Variants in TMEM232 observed in about 807,000 individuals in gnomAD.
TMEM232 encodes the protein transmembrane protein 232.
TMEM232 carries 80 observed loss-of-function variants against 78.8 expected under a neutral mutation model. The ratio of observed to expected loss-of-function variants is 1.01; its 90% confidence interval spans 0.85 to 1.22. TMEM232 has a LOEUF of 1.22. Ranked by LOEUF, TMEM232 falls within the 50% of genes most tolerant of loss-of-function variation. The pLI, the probability that TMEM232 is intolerant of heterozygous loss-of-function variation, is 0.00. For synonymous variants in TMEM232, 297 were observed against 254.3 expected (o/e 1.17, Z -1.60); for missense variants, 881 against 742.2 (o/e 1.19, Z -2.17).
At chr5:110,429,946 A>G (rs1042430680) in intron 12 of TMEM232, 1 of 151,666 alleles carries the variant, frequency 6.6e-6, no homozygotes, top group Non-Finnish European at 1.5e-5. Context: ...TCTTAGTTCT[A>G]TTGCAATTTC....
chr5:110,622,520 CTCA>C (rs1783877771), intron 7 of TMEM232, among the ~76,000 whole-genome samples: 1 of 152,066 alleles, frequency 6.6e-6, no homozygotes, highest in African/African-American at 2.4e-5. Flanking sequence ...AGGACATGAA[CTCA>C]TCATTTTTTA....
At chr5:110,533,589 C>T (rs1482252490) in intron 11 of TMEM232, among the ~76,000 whole-genome samples, 1 of 152,196 alleles carries the variant, frequency 6.6e-6, no homozygotes, top group Non-Finnish European at 1.5e-5. Context: ...CTTCCTCACA[C>T]CTGATGCATA....
At chr5:110,444,383 A>C (rs150046883) in intron 12 of TMEM232, among the ~76,000 whole-genome samples, 2 of 152,174 alleles carry the variant, frequency 1.3e-5, no homozygotes, top group African/African-American at 4.8e-5. Flanking sequence ...TCCCCCAGTC[A>C]CTGAGCTCTC....
At chr5:110,457,485 G>C (rs2149347885) in intron 12 of TMEM232, among the ~76,000 whole-genome samples, 1 of 152,098 alleles carries the variant, frequency 6.6e-6, no homozygotes, top group African/African-American at 2.4e-5. Context: ...ATATAATCTA[G>C]AATTTCACGC....
intron 11 of TMEM232, among the ~76,000 whole-genome samples, chr5:110,555,400 T>C (rs1774959281): frequency 6.6e-6 from 1 of 152,232 alleles, no homozygotes; most frequent in Non-Finnish European, 1.5e-5. Context: ...TTTTAATTTG[T>C]TGAGAATTGC....
At position 110,649,128 on chromosome 5, in the gene TMEM232, A is replaced by T. The variant is rs530839944; in HGVS notation, c.126-6757T>A. Among the ~76,000 whole-genome samples, 4 of 152,250 alleles carry T rather than the reference A, an allele frequency of 2.6e-5. No individual in the cohort carries two copies. The South Asian group carries it at 8.3e-4, about 32-fold the overall frequency. ...ATGAAAAATTAAACAAACTGCAACT[A>T]TACAAACAATATAGACGATCTTACA... is the stretch of plus-strand genomic sequence containing the variant. On this transcript the variant is annotated intron_variant, in intron 2 of 13. Transcript: ENST00000455884.
intron 8 of TMEM232, among the ~76,000 whole-genome samples, chr5:110,612,194 T>C (rs1312026910): frequency 6.6e-6 from 1 of 152,166 alleles, no homozygotes. Flanking sequence ...CTGGGGTTCA[T>C]AGGGGTTAAG....
intron 2 of TMEM232, among the ~76,000 whole-genome samples, chr5:110,666,465 T>C (rs1790604973): frequency 1.3e-5 from 2 of 152,160 alleles, no homozygotes; most frequent in African/African-American, 2.4e-5. Flanking sequence ...ATACAAATTA[T>C]TTTTCCTCTG....
intron 12 of TMEM232, among the ~76,000 whole-genome samples, chr5:110,513,465 A>T (rs73220802): frequency 0.044 from 6,707 of 152,202 alleles, 486 homozygotes; most frequent in African/African-American, 0.15. Flanking sequence ...AACAAGAACA[A>T]AACACAAGAA....
intron 12 of TMEM232, among the ~76,000 whole-genome samples, chr5:110,440,923 T>C (rs1371462959): frequency 6.6e-6 from 1 of 152,168 alleles, no homozygotes; most frequent in African/African-American, 2.4e-5. Context: ...TGCAGTTCAA[T>C]AGAAGCTTGC....
intron 2 of TMEM232, among the ~76,000 whole-genome samples, chr5:110,647,531 T>C (rs1205986108): frequency 6.6e-6 from 1 of 151,996 alleles, no homozygotes; most frequent in East Asian, 1.9e-4. Context: ...TTTTTTGTCG[T>C]GTTTTTATGT....
chr5:110,724,807 T>C (rs1334402543), intron 1 of TMEM232, among the ~76,000 whole-genome samples: 4 of 152,222 alleles, frequency 2.6e-5, no homozygotes, highest in East Asian at 3.8e-4. Context: ...ATTCACCAGA[T>C]AGGTATAGAG....
At chr5:110,418,432 T>C (rs1756352026), downstream of TMEM232, among the ~76,000 whole-genome samples, 1 of 152,082 alleles carries the variant, frequency 6.6e-6, no homozygotes, top group Non-Finnish European at 1.5e-5. Flanking sequence ...ATCAGTGAAA[T>C]AGGAGAAAGA....
intron 11 of TMEM232, among the ~76,000 whole-genome samples, chr5:110,532,787 T>C (rs186365368): frequency 2.5e-4 from 38 of 152,014 alleles, no homozygotes; most frequent in Non-Finnish European, 4.3e-4. Context: ...CTCCTTACCA[T>C]CTCATTAAAA....
At chr5:110,603,364 C>G (rs141264059) in intron 10 of TMEM232, among the ~76,000 whole-genome samples, 2 of 152,026 alleles carry the variant, frequency 1.3e-5, no homozygotes, top group Admixed American at 6.6e-5. Flanking sequence ...TGAGTATCCA[C>G]AGAAACGTGC....
intron 2 of TMEM232, among the ~76,000 whole-genome samples, chr5:110,656,704 G>A (rs1580533626): frequency 6.6e-6 from 1 of 151,974 alleles, no homozygotes; most frequent in South Asian, 2.1e-4. Flanking sequence ...GGGCGTGGTG[G>A]CAGGGCACCG....
rs950079671 is a variant in TMEM232 at position 110,609,194 on chromosome 5, T to C, written c.903-2907A>G. 4.5e-4 allele frequency among the ~76,000 whole-genome samples: 69 copies of C among 152,024 alleles called. 1 individual carries two copies. Among genetic ancestry groups the C allele is most frequent in the African/African-American group, 1.6e-3 (67 of 41,534 alleles). On this transcript the variant is annotated intron_variant, in intron 8 of 13. Coordinates refer to ENST00000455884, the MANE Select transcript of TMEM232 (RefSeq NM_001039763.4). ...CAACTTATTTCAACATTGCGACAAA[T>C]ATTCCAGAAAGCATTGACAATGTCA...
intron 1 of TMEM232, among the ~76,000 whole-genome samples, chr5:110,671,341 G>T (rs760756319): frequency 6.6e-6 from 1 of 152,134 alleles, no homozygotes; most frequent in Non-Finnish European, 1.5e-5. Context: ...ACAGTGTGGC[G>T]ATTCCTCAAG....
intron 11 of TMEM232, among the ~76,000 whole-genome samples, chr5:110,561,374 T>G (rs973364374): frequency 1.3e-5 from 2 of 150,940 alleles, no homozygotes; most frequent in Admixed American, 1.3e-4. Flanking sequence ...AAGACCATAA[T>G]GTGTGTGTGT....
Sources: allele counts gnomAD v4.1 joint callset (sites outside exome capture counted in the v4.1 genomes callset), GRCh38; gene constraint gnomAD v4.1.1; transcripts MANE v1.5; gene names NCBI Gene and HGNC (gene_info 2026-07-23, HGNC 2026-07-21).